The following ATP8A2 variants were observed in gnomAD, a reference collection of about 807,000 sequenced individuals.
The protein encoded by ATP8A2 is ATPase phospholipid transporting 8A2.
In ATP8A2, 100 loss-of-function variants were observed where a neutral mutation model predicts 165.6. That is an observed-to-expected ratio of 0.60 (90% confidence interval 0.51 to 0.71). The LOEUF (loss-of-function observed/expected upper bound fraction) is 0.71, where lower values mean the gene tolerates loss of function less well. ATP8A2 is among the 30% of genes least tolerant of loss of function. The pLI, the probability that ATP8A2 is intolerant of heterozygous loss-of-function variation, is 0.00. For missense variants in ATP8A2, 1,227 were observed against 1,479.5 expected (o/e 0.83, Z 2.80); for synonymous variants, 543 against 548.8 (o/e 0.99, Z 0.15).
At chr13:25,635,465 T>C (rs980293473) in intron 24 of ATP8A2, among the ~76,000 whole-genome samples, 7 of 152,294 alleles carry the variant, frequency 4.6e-5, no homozygotes, top group Admixed American at 1.3e-4. Flanking sequence ...GACTCCCCTT[T>C]TGGAGATTCT....
chr13:25,671,932 A>G (rs2042272381), intron 24 of ATP8A2, among the ~76,000 whole-genome samples: 1 of 151,988 alleles, frequency 6.6e-6, no homozygotes. Flanking sequence ...GTATCACGGG[A>G]CCTACCGACG....
chr13:26,002,951 C>G (rs937607400), intron 35 of ATP8A2, among the ~76,000 whole-genome samples: 1 of 148,830 alleles, frequency 6.7e-6, no homozygotes, highest in Admixed American at 6.7e-5. Context: ...GGTTGATTTC[C>G]TATCATGGCT....
In ATP8A2 at chr13:25,825,545, A is replaced by G. The variant is rs550556700; in HGVS notation, c.2680-2573A>G. Among the ~76,000 whole-genome samples the G allele has an allele frequency of 2.1e-3, 316 of 152,228 alleles. 2 individuals are homozygous for G. Among genetic ancestry groups the G allele is most frequent in the Non-Finnish European group, 3.1e-3 (208 of 68,014 alleles). ...GATTTTGCAATAAAATAAAATACCC[A>G]CTAGATATCTTTTTGGTCAATTGTT... On this transcript the variant is annotated intron_variant, in intron 27 of 36. Transcript: ENST00000381655.
At chr13:25,577,011 G>A (rs1593570103) in intron 19 of ATP8A2, 58 bp from the exon 20 acceptor site, 1 of 1,386,724 alleles carries the variant, frequency 7.2e-7, no homozygotes, top group Non-Finnish European at 1.0e-6. Flanking sequence ...GTGTTCAGCT[G>A]TGGGATATGC....
chr13:26,002,131 A>G (rs1257892189), intron 35 of ATP8A2, among the ~76,000 whole-genome samples: 3 of 152,326 alleles, frequency 2.0e-5, no homozygotes, highest in South Asian at 2.1e-4. Flanking sequence ...CCAACTTATC[A>G]TTTTTTGTGA....
rs543570385 is a variant in ATP8A2, at chr13:25,423,200, C to T, written c.77-45777C>T. Among the ~76,000 whole-genome samples, 16 of 152,302 alleles carry T rather than the reference C, an allele frequency of 1.1e-4. No homozygotes were observed. The South Asian group carries it at 1.9e-3, about 18-fold the overall frequency. ...CTCTTTCTAGGCCTTTTTACCCACACGTAGCCTTCCTTCATTTTTAAAAAA... is the reference window on the plus strand; with the variant it reads ...CTCTTTCTAGGCCTTTTTACCCACATGTAGCCTTCCTTCATTTTTAAAAAA... On this transcript the variant is annotated intron_variant, in intron 1 of 36. Coordinates refer to ENST00000381655, the MANE Select transcript of ATP8A2 (RefSeq NM_016529.6).
At chr13:25,780,925 T>C (rs1210838915) in intron 27 of ATP8A2, among the ~76,000 whole-genome samples, 1 of 152,014 alleles carries the variant, frequency 6.6e-6, no homozygotes, top group African/African-American at 2.4e-5. Flanking sequence ...GGCCCAGGGG[T>C]TGGGGATCCC....
intron 28 of ATP8A2, among the ~76,000 whole-genome samples, chr13:25,829,531 C>T (rs924331293): frequency 3.3e-5 from 5 of 151,102 alleles, no homozygotes; most frequent in African/African-American, 1.2e-4. Flanking sequence ...GCAGAATGCT[C>T]CACGATTATT....
intron 2 of ATP8A2, among the ~76,000 whole-genome samples, chr13:25,484,477 C>T (rs1309252386): frequency 6.6e-6 from 1 of 151,848 alleles, no homozygotes; most frequent in Non-Finnish European, 1.5e-5. Context: ...ACTGTAGATT[C>T]AATGATATAA....
intron 2 of ATP8A2, among the ~76,000 whole-genome samples, chr13:25,474,570 G>GAA (rs78146000): frequency 8.6e-4 from 98 of 113,460 alleles, no homozygotes; most frequent in African/African-American, 3.1e-3. Context: ...TCAAAAAAAA[G>GAA]AAAAAAAAAA....
At chr13:25,402,885 G>C (rs542193920) in intron 1 of ATP8A2, among the ~76,000 whole-genome samples, 2 of 152,318 alleles carry the variant, frequency 1.3e-5, no homozygotes, top group African/African-American at 4.8e-5. Context: ...GGAAGTCCCA[G>C]ATCAAGGCAC....
intron 33 of ATP8A2, among the ~76,000 whole-genome samples, chr13:25,947,839 T>A (rs1278120343): frequency 6.6e-6 from 1 of 152,142 alleles, no homozygotes; most frequent in Non-Finnish European, 1.5e-5. Flanking sequence ...GGGCACAGAA[T>A]TATTGGTGAA....
At chr13:25,823,177 A>G (rs1312850309) in intron 27 of ATP8A2, among the ~76,000 whole-genome samples, 1 of 152,202 alleles carries the variant, frequency 6.6e-6, no homozygotes, top group Non-Finnish European at 1.5e-5. Flanking sequence ...AATCCAAGCT[A>G]AGAATTTGAT....
chr13:25,982,849 A>G (rs1332856796), intron 35 of ATP8A2, among the ~76,000 whole-genome samples: 9 of 152,228 alleles, frequency 5.9e-5, no homozygotes, highest in Non-Finnish European at 7.3e-5. Context: ...CAATTCTTCC[A>G]TTAGGCATAG....
Position 25,453,288 on chromosome 13 carries a change from A to G in ATP8A2, c.77-15689A>G, listed in dbSNP as rs1177450286. ...ATTACAGGCGCCTGCCACCACGCCC[A>G]GCTAATTTTTGTATTTTTAGTAAAG... On this transcript the variant is annotated intron_variant, in intron 1 of 36. Coordinates refer to ENST00000381655, the MANE Select transcript of ATP8A2 (RefSeq NM_016529.6). Among the ~76,000 whole-genome samples, 3 of 151,466 alleles carry G rather than the reference A, an allele frequency of 2.0e-5. No individual in the cohort carries two copies. The East Asian group carries it at 5.9e-4, about 30-fold the overall frequency.
chr13:25,856,486 CT>C (rs571431646), intron 30 of ATP8A2, among the ~76,000 whole-genome samples: 5 of 152,288 alleles, frequency 3.3e-5, no homozygotes, highest in Admixed American at 3.3e-4. Flanking sequence ...CTAGACTTCA[CT>C]CCCATATATT....
chr13:25,704,145 C>T (rs1431261126), intron 25 of ATP8A2, among the ~76,000 whole-genome samples: 1 of 152,080 alleles, frequency 6.6e-6, no homozygotes, highest in Non-Finnish European at 1.5e-5. Flanking sequence ...GTCTGATTCC[C>T]AGGCCCTTCC....
intron 10 of ATP8A2, among the ~76,000 whole-genome samples, chr13:25,547,096 CT>C (rs2038675787): frequency 1.3e-5 from 2 of 151,928 alleles, no homozygotes; most frequent in Non-Finnish European, 2.9e-5. Flanking sequence ...TGCTGCTGCC[CT>C]CCAGCCTGGG....
At chr13:25,425,502 A>C (rs1485708877) in intron 1 of ATP8A2, among the ~76,000 whole-genome samples, 1 of 68,918 alleles carries the variant, frequency 1.5e-5, no homozygotes, top group African/African-American at 4.2e-5. Flanking sequence ...TCGCTCTAGT[A>C]CTGGATCTCT....
Sources: allele counts gnomAD v4.1 joint callset (sites outside exome capture counted in the v4.1 genomes callset), GRCh38; gene constraint gnomAD v4.1.1; transcripts MANE v1.5; gene names NCBI Gene and HGNC (gene_info 2026-07-23, HGNC 2026-07-21).